IQCH: variants seen among roughly 807,000 people sequenced by gnomAD.
The protein encoded by IQCH is IQ domain-containing protein H.
IQCH carries 98 observed loss-of-function variants against 117.0 expected under a neutral mutation model. That is an observed-to-expected ratio of 0.84 (90% CI 0.71 to 0.99). The LOEUF (loss-of-function observed/expected upper bound fraction) is 0.99. Among genes scored for constraint, IQCH ranks in the 50% least tolerant of loss-of-function variants. IQCH has a pLI of 0.00. For missense variants in IQCH, 1,102 were observed against 1,243.8 expected (o/e 0.89, Z 1.72); for synonymous variants, 412 against 448.2 (o/e 0.92, Z 1.02).
intron 17 of IQCH, among the ~76,000 whole-genome samples, chr15:67,469,995 T>C (rs1229812436): frequency 6.6e-6 from 1 of 152,202 alleles, no homozygotes; most frequent in Non-Finnish European, 1.5e-5. Flanking sequence ...GTTGAGGCCA[T>C]AGAGAAAGCT....
chr15:67,292,031 C>T (rs1398825929), intron 4 of IQCH, among the ~76,000 whole-genome samples: 1 of 151,990 alleles, frequency 6.6e-6, no homozygotes, highest in Non-Finnish European at 1.5e-5. Flanking sequence ...GAGTGCTTAG[C>T]TCATGAGAGT....
At chr15:67,291,000 G>C (rs1453824893) in intron 4 of IQCH, among the ~76,000 whole-genome samples, 1 of 152,098 alleles carries the variant, frequency 6.6e-6, no homozygotes, top group Non-Finnish European at 1.5e-5. Context: ...TGCACAAGAA[G>C]AGCTATATCT....
At position 67,425,741 on chromosome 15, in the gene IQCH, T is replaced by G. The variant is rs2081872385; in HGVS notation, c.2505+4164T>G. 6.6e-6 allele frequency among the ~76,000 whole-genome samples: 1 copy of G among 152,174 alleles called. No individual in the cohort carries two copies. Among genetic ancestry groups the G allele is most frequent in the Admixed American group, 6.5e-5 (1 of 15,280 alleles). On this transcript the variant is annotated intron_variant, in intron 16 of 20. Transcript: ENST00000335894. This position sits in a 1 kb window ranked among gnomAD's most constrained non-coding sequence, Gnocchi z 5.5. ...GAAAACTTAGCATCCATTGGCAACT[T>G]TTTCCACTACCACTACGATAGTGGT... is the stretch of plus-strand genomic sequence containing the variant.
intron 6 of IQCH, among the ~76,000 whole-genome samples, chr15:67,355,267 A>G (rs538447613): frequency 6.6e-6 from 1 of 152,048 alleles, no homozygotes; most frequent in Non-Finnish European, 1.5e-5. Context: ...GCATATTGTC[A>G]CTCTGAAAAA....
chr15:67,295,936 T>A (rs896379579), intron 4 of IQCH, among the ~76,000 whole-genome samples: 2 of 152,184 alleles, frequency 1.3e-5, no homozygotes, highest in African/African-American at 2.4e-5. Context: ...TTAGTCTAAT[T>A]GTTGTCTCCT....
rs118102521 is a variant in IQCH at position 67,420,057 on chromosome 15, T to C, written c.2219-1234T>C. Among the ~76,000 whole-genome samples the C allele has an allele frequency of 1.6e-3, 246 of 152,346 alleles. 10 individuals carry two copies. In the South Asian group the frequency reaches 0.031, roughly 19 times the overall value. ...TGTTGTTTTGTTGCATTTACCTTGCTAAATCCCCAGCAACTGGTATTTAGG... is the reference window on the plus strand; with the variant it reads ...TGTTGTTTTGTTGCATTTACCTTGCCAAATCCCCAGCAACTGGTATTTAGG... On this transcript the variant is annotated intron_variant, in intron 15 of 20. Coordinates refer to ENST00000335894, the MANE Select transcript of IQCH (RefSeq NM_001031715.3).
Position 67,424,820 on chromosome 15 carries a change from C to T in IQCH, c.2505+3243C>T, listed in dbSNP as rs772858366. On this transcript the variant is annotated intron_variant, in intron 16 of 20. Transcript: ENST00000335894. This position sits in a 1 kb window ranked among gnomAD's most constrained non-coding sequence, Gnocchi z 4.9. ...TTGGAAGAAGTTCTCAGTGACCACACCAAAGGGTGTTTCTGCATTAGCAAG... is the reference window on the plus strand; with the variant it reads ...TTGGAAGAAGTTCTCAGTGACCACATCAAAGGGTGTTTCTGCATTAGCAAG... Among the ~76,000 whole-genome samples the T allele has an allele frequency of 3.9e-5, 6 of 152,216 alleles. No individual in the cohort carries two copies. The highest frequency in any genetic ancestry group is 7.3e-5 in the Non-Finnish European group (5 of 68,040).
At position 67,277,532 on chromosome 15, in the gene IQCH, T is replaced by TTTTTTC. The variant is rs1197745480; in HGVS notation, c.270-1858_270-1857insCTTTTT. On this transcript the variant is annotated intron_variant, in intron 3 of 20. Transcript: ENST00000335894. Reference sequence around the variant, plus strand: ...CATCTGAGAGTTTCCTCCAGTATCTTTTTTTTTTTTTTTTTTTTTTAGACG... The same window carrying TTTTTTC: ...CATCTGAGAGTTTCCTCCAGTATCTTTTTTTCTTTTTTTTTTTTTTTTTTTTAGACG... Among the ~76,000 whole-genome samples the TTTTTTC allele has an allele frequency of 7.6e-4, 12 of 15,788 alleles. No individual in the cohort carries two copies. In the East Asian group the frequency reaches 0.02, roughly 27 times the overall value. 10.4% of individuals were successfully genotyped at this position (15,788 alleles called of 152,430 possible).
intron 18 of IQCH, among the ~76,000 whole-genome samples, chr15:67,486,295 C>T (rs2083478804): frequency 6.6e-6 from 1 of 152,026 alleles, no homozygotes; most frequent in Non-Finnish European, 1.5e-5. Flanking sequence ...GCCTCGGCCT[C>T]CCAAAGTGCT....
Position 67,408,847 on chromosome 15 carries a change from T to G in IQCH, c.2098-8084T>G, listed in dbSNP as rs2081371297. 6.6e-6 allele frequency among the ~76,000 whole-genome samples: 1 copy of G among 152,228 alleles called. No homozygotes were observed. Reference sequence around the variant, plus strand: ...TAATGATAATTATGGCTACTTCTACTTATGGCTGATTTTAAAACCACATGG... The same window carrying G: ...TAATGATAATTATGGCTACTTCTACGTATGGCTGATTTTAAAACCACATGG... On this transcript the variant is annotated intron_variant, in intron 14 of 20. Transcript: ENST00000335894. This position sits in a 1 kb window ranked among gnomAD's most constrained non-coding sequence, Gnocchi z 4.2.
chr15:67,324,303 CAA>C (rs56279630), intron 4 of IQCH, among the ~76,000 whole-genome samples: 32 of 128,238 alleles, frequency 2.5e-4, no homozygotes, highest in Non-Finnish European at 2.0e-4. Context: ...GTCTTTTGTC[CAA>C]AAAAAAAAAA....
At position 67,500,587 on chromosome 15, in the gene IQCH, G is replaced by A; in HGVS notation, c.2971-46G>A. Reference sequence around the variant, plus strand: ...AAAGGACCAGATGCTTGGGGGAGAGGGATTGTAAGAGGTCTTTAAGTAATA... The same window carrying A: ...AAAGGACCAGATGCTTGGGGGAGAGAGATTGTAAGAGGTCTTTAAGTAATA... On this transcript the variant is annotated intron_variant, in intron 20 of 20. Coordinates refer to ENST00000335894, the MANE Select transcript of IQCH (RefSeq NM_001031715.3). This position sits in a 1 kb window ranked among gnomAD's most constrained non-coding sequence, Gnocchi z 4.4. 1 of 946,116 alleles carries A rather than the reference G, an allele frequency of 1.1e-6. No individual in the cohort carries two copies. The highest frequency in any genetic ancestry group is 1.7e-6 in the Non-Finnish European group (1 of 603,712). 58.6% of individuals were successfully genotyped at this position (946,116 alleles called of 1,614,324 possible).
chr15:67,354,843 C>A (rs1037500510), intron 6 of IQCH, among the ~76,000 whole-genome samples: 1 of 152,158 alleles, frequency 6.6e-6, no homozygotes, highest in African/African-American at 2.4e-5. Context: ...TTGATTTAAT[C>A]TTCATGCTTG....
chr15:67,476,522 C>T lies in IQCH; in HGVS notation c.2799+704C>T, dbSNP rs1187350633. Among the ~76,000 whole-genome samples, 3 of 152,172 alleles carry T rather than the reference C, an allele frequency of 2.0e-5. No homozygotes were observed. The highest frequency in any genetic ancestry group is 6.5e-5 in the Admixed American group (1 of 15,274). ...GACACAATTCAGTCCATAGCATCCT[C>T]CTACTGATATTTGATAATTTATTTC... On this transcript the variant is annotated intron_variant, in intron 18 of 20. Coordinates refer to ENST00000335894, the MANE Select transcript of IQCH (RefSeq NM_001031715.3). The surrounding 1 kb of genome is among the most constrained non-coding windows in gnomAD (Gnocchi z 4.1).
At position 67,283,897 on chromosome 15, in the gene IQCH, T is replaced by C. The variant is rs183395661; in HGVS notation, c.387+4385T>C. Among the ~76,000 whole-genome samples, 281 of 152,276 alleles carry C rather than the reference T, an allele frequency of 1.8e-3. 1 individual carries two copies. Among genetic ancestry groups the C allele is most frequent in the East Asian group, 6.4e-3 (33 of 5,188 alleles). ...TCAAATTTTTATTTATTTCATTTATTTTATTTTTTATTTTTGTGAGTACAT... is the reference window on the plus strand; with the variant it reads ...TCAAATTTTTATTTATTTCATTTATCTTATTTTTTATTTTTGTGAGTACAT... On this transcript the variant is annotated intron_variant, in intron 4 of 20. Transcript: ENST00000335894.
At chr15:67,328,331 A>T (rs76111133) in intron 4 of IQCH, among the ~76,000 whole-genome samples, 2 of 152,330 alleles carry the variant, frequency 1.3e-5, no homozygotes, top group Non-Finnish European at 2.9e-5. Context: ...CTTCCCGGAA[A>T]GTCTTAAGTG....
chr15:67,427,696 A>G lies in IQCH; in HGVS notation c.2505+6119A>G, dbSNP rs943873784. On this transcript the variant is annotated intron_variant, in intron 16 of 20. Coordinates refer to ENST00000335894, the MANE Select transcript of IQCH (RefSeq NM_001031715.3). This position sits in a 1 kb window ranked among gnomAD's most constrained non-coding sequence, Gnocchi z 4.7. ...TTATTTTCTGTATCAGCAAATTCAAATGTTAATAATAATCATCCACTTTAA... is the reference window on the plus strand; with the variant it reads ...TTATTTTCTGTATCAGCAAATTCAAGTGTTAATAATAATCATCCACTTTAA... Among the ~76,000 whole-genome samples, 5 of 152,232 alleles carry G rather than the reference A, an allele frequency of 3.3e-5. No individual in the cohort carries two copies. The highest frequency in any genetic ancestry group is 7.3e-5 in the Non-Finnish European group (5 of 68,046).
At chr15:67,317,852 A>G (rs375879802) in intron 4 of IQCH, among the ~76,000 whole-genome samples, 5 of 152,118 alleles carry the variant, frequency 3.3e-5, no homozygotes, top group African/African-American at 9.7e-5. Context: ...GTTTTGAGCC[A>G]TATTTCTCTC....
intron 18 of IQCH, among the ~76,000 whole-genome samples, chr15:67,487,068 C>T (rs1178297568): frequency 6.6e-6 from 1 of 152,226 alleles, no homozygotes; most frequent in South Asian, 2.1e-4. Context: ...CACAGTGGCT[C>T]ACGCCTGTAA....
Sources: allele counts gnomAD v4.1 joint callset (sites outside exome capture counted in the v4.1 genomes callset), GRCh38; gene constraint gnomAD v4.1.1; non-coding constraint Gnocchi (gnomAD v3.1); transcripts MANE v1.5; gene names NCBI Gene and HGNC (gene_info 2026-07-23, HGNC 2026-07-21).